Variants in UTRN observed in about 807,000 individuals in gnomAD.
The protein encoded by UTRN is utrophin.
A neutral mutation model predicts 463.9 loss-of-function variants in UTRN; 283 were observed. The observed-to-expected ratio is 0.61, with a 90% CI of 0.55 to 0.67. The LOEUF is 0.67. UTRN is among the 30% of genes least tolerant of loss of function. UTRN has a pLI of 0.00. For missense variants in UTRN, 3,922 were observed against 4,084.3 expected (o/e 0.96, Z 1.08); for synonymous variants, 1,442 against 1,431.5 (o/e 1.01, Z -0.17).
chr6:144,715,091 C>T lies in UTRN; in HGVS notation c.7809+14848C>T, dbSNP rs79208651. On this transcript the variant is annotated intron_variant, in intron 53 of 74. Coordinates refer to ENST00000367545, the MANE Select transcript of UTRN (RefSeq NM_007124.3). The stretch of plus-strand genomic sequence containing the variant: ...TGCCAAGCACTCCCAAAGATATATC[C>T]GTTTACATGTCATCTCTACTTGAGT... 7.2e-3 allele frequency among the ~76,000 whole-genome samples: 1,098 copies of T among 152,198 alleles called. 9 individuals are homozygous for T. The highest frequency in any genetic ancestry group is 0.025 in the African/African-American group (1,056 of 41,516).
At chr6:144,519,509 A>G (rs563589639) in intron 39 of UTRN, among the ~76,000 whole-genome samples, 1 of 152,266 alleles carries the variant, frequency 6.6e-6, no homozygotes, top group East Asian at 1.9e-4. Context: ...CCTCTAGTAT[A>G]TTTGTGTTTC....
intron 13 of UTRN, among the ~76,000 whole-genome samples, chr6:144,440,984 C>T (rs1350092023): frequency 6.6e-6 from 1 of 152,096 alleles, no homozygotes; most frequent in Non-Finnish European, 1.5e-5. Context: ...ACAAGAACAG[C>T]AAGAGAGAGA....
At chr6:144,547,631 A>G (rs139433222) in intron 46 of UTRN, among the ~76,000 whole-genome samples, 4,559 of 152,268 alleles carry the variant, frequency 0.03, 116 homozygotes, top group South Asian at 0.076. Flanking sequence ...AGTCTCTGCC[A>G]AGGTCAGATT....
intron 2 of UTRN, among the ~76,000 whole-genome samples, chr6:144,298,254 A>G (rs1201403041): frequency 1.3e-5 from 2 of 152,192 alleles, no homozygotes; most frequent in East Asian, 1.9e-4. Flanking sequence ...TTCTTAATGT[A>G]TACTTACTCT....
At chr6:144,493,123 T>C (rs962847456) in intron 32 of UTRN, among the ~76,000 whole-genome samples, 178 bp from the exon 33 acceptor site, 2 of 152,260 alleles carry the variant, frequency 1.3e-5, no homozygotes, top group Non-Finnish European at 2.9e-5. Flanking sequence ...GAAGAAGTTA[T>C]TACAAGCTTG....
intron 23 of UTRN, among the ~76,000 whole-genome samples, chr6:144,468,921 G>A (rs939573476): frequency 2.6e-5 from 4 of 152,164 alleles, no homozygotes; most frequent in African/African-American, 9.7e-5. Flanking sequence ...AGAGCTCCCT[G>A]TCTTCTGCCT....
rs58206153 is a variant in UTRN, at chr6:144,667,024, T to TTCCTCC, written c.7480-11362_7480-11357dup. Among the ~76,000 whole-genome samples the TTCCTCC allele has an allele frequency of 4.6e-5, 7 of 151,392 alleles. No individual in the cohort carries two copies. The East Asian group carries it at 5.9e-4, about 13-fold the overall frequency. On this transcript the variant is annotated intron_variant, in intron 51 of 74. Transcript: ENST00000367545. ...CCACTACTACTTCTTCTTCCTCTTC[T>TTCCTCC]TCCTCCTCCTCCTCCTCCTCCTCCT... is the stretch of plus-strand genomic sequence containing the variant.
At chr6:144,581,640 TG>T (rs1801975670) in intron 51 of UTRN, among the ~76,000 whole-genome samples, 3 of 152,220 alleles carry the variant, frequency 2.0e-5, no homozygotes, top group Non-Finnish European at 4.4e-5. Context: ...CTTCATCTGC[TG>T]GTTCTAGGAC....
chr6:144,584,244 C>T (rs1185246565), intron 51 of UTRN, among the ~76,000 whole-genome samples: 1 of 152,154 alleles, frequency 6.6e-6, no homozygotes, highest in Non-Finnish European at 1.5e-5. Context: ...GAACATAAAC[C>T]ATTCAATCAG....
chr6:144,845,820 CGGG>C (rs1781963949), intron 73 of UTRN, among the ~76,000 whole-genome samples: 1 of 152,048 alleles, frequency 6.6e-6, no homozygotes, highest in African/African-American at 2.4e-5. Context: ...CCCCAAATAC[CGGG>C]CCTCACACTT....
intron 2 of UTRN, among the ~76,000 whole-genome samples, chr6:144,380,099 G>C (rs1309405668): frequency 6.6e-6 from 1 of 152,156 alleles, no homozygotes. Flanking sequence ...TTAATTCTAA[G>C]TATGATTGTT....
intron 3 of UTRN, among the ~76,000 whole-genome samples, chr6:144,410,600 A>G (rs1164385601): frequency 7.5e-6 from 1 of 132,568 alleles, no homozygotes; most frequent in South Asian, 2.5e-4. Context: ...CCAGGTCCCC[A>G]AAGTCCATTG....
At position 144,488,844 on chromosome 6, in the gene UTRN, T is replaced by C; in HGVS notation, c.4134+10T>C. On this transcript the variant is annotated intron_variant, in intron 30 of 74. Coordinates refer to ENST00000367545, the MANE Select transcript of UTRN (RefSeq NM_007124.3). ...TCCACAGGAAGCTCAGGTATTGCCG[T>C]GCATTTGAGGGCTTTTGAGCTGTAA... The C allele has an allele frequency of 6.3e-7, 1 of 1,581,720 alleles. No homozygotes were observed. The highest frequency in any genetic ancestry group is 8.6e-7 in the Non-Finnish European group (1 of 1,160,556).
chr6:144,682,027 T>G (rs1782254291), intron 52 of UTRN, among the ~76,000 whole-genome samples: 1 of 152,324 alleles, frequency 6.6e-6, no homozygotes, highest in East Asian at 1.9e-4. Context: ...AATGTACAAC[T>G]AAGTTATTAT....
At chr6:144,402,348 C>A (rs1050495332) in intron 2 of UTRN, among the ~76,000 whole-genome samples, 1 of 152,090 alleles carries the variant, frequency 6.6e-6, no homozygotes, top group Non-Finnish European at 1.5e-5. Context: ...ATTGGGACAC[C>A]GTCTATTTGG....
At chr6:144,730,266 A>C in intron 53 of UTRN, 91 bp from the exon 54 acceptor site, 1 of 1,302,530 alleles carries the variant, frequency 7.7e-7, no homozygotes, top group Middle Eastern at 2.2e-4. Context: ...TTTTCTTGCT[A>C]AGTGTGGTCA....
At chr6:144,823,897 A>T (rs914865968) in intron 66 of UTRN, among the ~76,000 whole-genome samples, 1 of 152,176 alleles carries the variant, frequency 6.6e-6, no homozygotes, top group Non-Finnish European at 1.5e-5. Context: ...GAGTTTAAAG[A>T]TTTTTTTAAG....
chr6:144,803,728 A>C (rs565945482), intron 65 of UTRN, among the ~76,000 whole-genome samples: 74 of 152,122 alleles, frequency 4.9e-4, no homozygotes, highest in Middle Eastern at 6.8e-3. Context: ...AAATTTGGAC[A>C]TATAGTTTAT....
At chr6:144,390,503 G>T (rs1781812577) in intron 2 of UTRN, among the ~76,000 whole-genome samples, 1 of 152,142 alleles carries the variant, frequency 6.6e-6, no homozygotes, top group South Asian at 2.1e-4. Flanking sequence ...ACCCCTTGCT[G>T]TGGCCTTCAA....
Sources: allele counts gnomAD v4.1 joint callset (sites outside exome capture counted in the v4.1 genomes callset), GRCh38; gene constraint gnomAD v4.1.1; transcripts MANE v1.5; gene names NCBI Gene and HGNC (gene_info 2026-07-23, HGNC 2026-07-21).